Variants in SAMM50 observed in about 807,000 individuals in gnomAD.
SAMM50 encodes SAMM50 sorting and assembly machinery component.
In SAMM50, 47 loss-of-function variants were observed where a neutral mutation model predicts 66.9. That is an observed-to-expected ratio of 0.70 (90% confidence interval 0.56 to 0.90). The LOEUF is 0.90. Ranked by LOEUF, SAMM50 falls within the 40% of genes least tolerant of loss-of-function variation. The probability of loss-of-function intolerance (pLI) is 0.00; values close to 1 mark genes in which losing one functional copy is unlikely to be tolerated. For synonymous variants in SAMM50, 191 were observed against 214.1 expected (o/e 0.89, Z 0.94); for missense variants, 535 against 595.3 (o/e 0.90, Z 1.05).
chr22:43,968,492 G>A (rs950483337), intron 3 of SAMM50, among the ~76,000 whole-genome samples: 2 of 152,136 alleles, frequency 1.3e-5, no homozygotes, highest in Admixed American at 6.6e-5. Flanking sequence ...TTATACGAAG[G>A]GGATTATATG....
chr22:43,989,315 C>T, intron 13 of SAMM50, 58 bp downstream of exon 13: 1 of 1,543,902 alleles, frequency 6.5e-7, no homozygotes, highest in Non-Finnish European at 8.9e-7. Context: ...TGTTTAAAAG[C>T]ACAGTACACA....
chr22:43,994,133 T>C (rs905139963), intron 14 of SAMM50, among the ~76,000 whole-genome samples: 2 of 152,118 alleles, frequency 1.3e-5, no homozygotes, highest in Admixed American at 6.5e-5. Context: ...TGAATCTTCC[T>C]AGAGGACAGA....
At chr22:43,968,226 C>CAAAAAAAAAAAA (rs66961907) in intron 3 of SAMM50, among the ~76,000 whole-genome samples, 6 of 68,622 alleles carry the variant, frequency 8.7e-5, no homozygotes, top group Non-Finnish European at 1.7e-4. Context: ...AACTCTGTCT[C>CAAAAAAAAAAAA]AAAAAAAAAA....
In SAMM50 at chr22:43,972,636, C is replaced by T. The variant is rs140413960; in HGVS notation, c.430-235C>T. 1.6e-4 allele frequency among the ~76,000 whole-genome samples: 24 copies of T among 152,270 alleles called. 1 individual carries two copies. Among genetic ancestry groups the T allele is most frequent in the Middle Eastern group, 6.8e-3 (2 of 294 alleles). ...AAATCTGTAACATTCTTGAGCCTCA[C>T]GGGTGGCAAGGTTAGCTTGTCCCTT... On this transcript the variant is annotated intron_variant, in intron 5 of 14. Coordinates refer to ENST00000350028, the MANE Select transcript of SAMM50 (RefSeq NM_015380.5).
chr22:43,978,425 TCCTTCTC>T (rs2050245220), intron 10 of SAMM50, among the ~76,000 whole-genome samples: 1 of 73,456 alleles, frequency 1.4e-5, no homozygotes, highest in African/African-American at 6.2e-5. Context: ...ACAGAGAGAC[TCCTTCTC>T]AAAAAAAAAA....
chr22:43,988,537 T>C (rs1240615390), intron 12 of SAMM50: 1 of 152,328 alleles, frequency 6.6e-6, no homozygotes, highest in East Asian at 1.9e-4. Flanking sequence ...GCTTACACTT[T>C]GGCAAAAGTA....
intron 1 of SAMM50, among the ~76,000 whole-genome samples, chr22:43,958,850 T>C (rs2050133538): frequency 6.6e-6 from 1 of 152,182 alleles, no homozygotes; most frequent in African/African-American, 2.4e-5. Context: ...TTCAGTTCTT[T>C]TATTTGACTT....
chr22:43,990,417 G>C lies in SAMM50; in HGVS notation c.1364+11G>C. The stretch of plus-strand genomic sequence containing the variant: ...ACAGACAGGCGACAGGTACGTGTTG[G>C]GAATTATTTTCCACAATCACATCCC... On this transcript the variant is annotated intron_variant, in intron 14 of 14. Coordinates refer to ENST00000350028, the MANE Select transcript of SAMM50 (RefSeq NM_015380.5). 6.2e-7 allele frequency: 1 copy of C among 1,612,798 alleles called. No individual in the cohort carries two copies. Among genetic ancestry groups the C allele is most frequent in the East Asian group, 2.2e-5 (1 of 44,858 alleles).
At chr22:43,974,873 A>C (rs534448708) in intron 7 of SAMM50, 1 of 152,196 alleles carries the variant, frequency 6.6e-6, no homozygotes, top group Non-Finnish European at 1.5e-5. Context: ...GAGAGTAGAA[A>C]TACCTTATTT....
chr22:43,974,612 A>G (rs1243808280), intron 7 of SAMM50: 1 of 152,232 alleles, frequency 6.6e-6, no homozygotes, highest in Non-Finnish European at 1.5e-5. Context: ...CCTTTTCTCC[A>G]AATTTTCTTG....
chr22:43,975,935 A>T, intron 7 of SAMM50, 120 bp from the exon 8 acceptor site: 2 of 1,017,828 alleles, frequency 2.0e-6, no homozygotes, highest in Non-Finnish European at 2.8e-6. Flanking sequence ...CCTCTCTCTC[A>T]TCATTAAAAA....
chr22:43,955,631 C>T, intron 1 of SAMM50, 33 bp downstream of exon 1: 1 of 1,570,820 alleles, frequency 6.4e-7, no homozygotes, highest in Non-Finnish European at 8.6e-7. Context: ...GGCTGCGAGG[C>T]CTCTGGGCCA....
chr22:43,985,522 C>T (rs913654550), intron 12 of SAMM50, among the ~76,000 whole-genome samples: 2 of 152,054 alleles, frequency 1.3e-5, no homozygotes, highest in Non-Finnish European at 2.9e-5. Flanking sequence ...CTTTCTGGGA[C>T]CCAATAACTT....
Position 43,968,828 on chromosome 22 carries a change from G to T in SAMM50, c.322+10G>T, listed in dbSNP as rs202136181. ...ATTGACACATGTCAAGGTACATATTGTGGTGTAGTATCTTTATAATTCCCT... is the reference window on the plus strand; with the variant it reads ...ATTGACACATGTCAAGGTACATATTTTGGTGTAGTATCTTTATAATTCCCT... On this transcript the variant is annotated intron_variant, in intron 4 of 14. Coordinates refer to ENST00000350028, the MANE Select transcript of SAMM50 (RefSeq NM_015380.5). 137 of 1,581,710 alleles carry T rather than the reference G, an allele frequency of 8.7e-5. No homozygotes were observed. In the African/African-American group the frequency reaches 1.0e-3, roughly 12 times the overall value.
chr22:43,988,540 C>T (rs1025535556), intron 12 of SAMM50: 4 of 152,206 alleles, frequency 2.6e-5, no homozygotes, highest in Admixed American at 1.3e-4. Context: ...TACACTTTGG[C>T]AAAAGTAACC....
In SAMM50 at chr22:43,955,443, G is replaced by A. The variant is rs986360383; in HGVS notation, c.-135G>A. Reference sequence around the variant, plus strand: ...AGGCGGGGAATCATGGCCGCCCCCAGTGTTCCGCGTCCGGGGGTTTGTGGG... The same window carrying A: ...AGGCGGGGAATCATGGCCGCCCCCAATGTTCCGCGTCCGGGGGTTTGTGGG... On this transcript the variant is annotated 5_prime_UTR_variant, in exon 1 of 15. In the 5' UTR this introduces an upstream ATG that the reference lacks. Transcript: ENST00000350028. 2.9e-6 allele frequency: 3 copies of A among 1,021,220 alleles called. No individual in the cohort carries two copies. The highest frequency in any genetic ancestry group is 2.6e-5 in the East Asian group (1 of 38,066). 63.3% of individuals were successfully genotyped at this position (1,021,220 alleles called of 1,614,324 possible). A position where few individuals can be genotyped will look rare whatever the true frequency, so the allele number is the denominator to read the frequency against.
In SAMM50 at chr22:43,983,682, T is replaced by A. The variant is rs184161842; in HGVS notation, c.1008-251T>A. Among the ~76,000 whole-genome samples, 5 of 152,148 alleles carry A rather than the reference T, an allele frequency of 3.3e-5. No homozygotes were observed. The highest frequency in any genetic ancestry group is 7.4e-5 in the Non-Finnish European group (5 of 68,018). On this transcript the variant is annotated intron_variant, in intron 11 of 14. Coordinates refer to ENST00000350028, the MANE Select transcript of SAMM50 (RefSeq NM_015380.5). This position sits in a 1 kb window ranked among gnomAD's most constrained non-coding sequence, Gnocchi z 4.2. ...AGTTTGCCCTGCCCCTCTCTCCTAG[T>A]GTGTTTCTTGGCATCTTGTGTCTCA...
intron 3 of SAMM50, among the ~76,000 whole-genome samples, chr22:43,964,903 C>G (rs2050165390): frequency 6.6e-6 from 1 of 152,172 alleles, no homozygotes; most frequent in African/African-American, 2.4e-5. Flanking sequence ...TGTACTCTCC[C>G]TTGCCAACCC....
In SAMM50 at chr22:43,963,345, A is replaced by T; in HGVS notation, c.81A>T (p.Glu27Asp). 1 of 1,613,424 alleles carries T rather than the reference A, an allele frequency of 6.2e-7. No homozygotes were observed. Among genetic ancestry groups the T allele is most frequent in the East Asian group, 2.2e-5 (1 of 44,850 alleles). ...PDFGGLGEEA[E>D]FVEVEPEAKQ... ...TTGGAGGATTAGGAGAAGAAGCTGA[A>T]TTTGTTGAAGTTGAGCCTGAAGCTA... Residue 27 changes from glutamate (E) to aspartate (D), a missense_variant, in exon 2 of 15, where the codon GAA becomes GAT. Transcript: ENST00000350028.
Sources: gnomAD v4.1 joint callset for allele counts (sites outside exome capture counted in the v4.1 genomes callset) on GRCh38, gnomAD v4.1.1 for gene constraint, Gnocchi (gnomAD v3.1) non-coding constraint, MANE v1.5 for transcripts, NCBI Gene and HGNC (gene_info 2026-07-23, HGNC 2026-07-21) for gene names.